The following TP63 variants were observed in gnomAD, a reference collection of about 807,000 sequenced individuals.
TP63 encodes tumor protein 63.
Under a neutral mutation model 82.8 loss-of-function variants are expected in TP63, and 17 were observed. That is an observed-to-expected ratio of 0.21 (90% CI 0.14 to 0.31). TP63 has a LOEUF of 0.31. TP63 is among the 10% of genes least tolerant of loss of function. The probability of loss-of-function intolerance (pLI) is 1.00; values close to 1 mark genes in which losing one functional copy is unlikely to be tolerated. For synonymous variants in TP63, 330 were observed against 321.7 expected (o/e 1.03, Z -0.28); for missense variants, 648 against 895.3 (o/e 0.72, Z 3.52).
chr3:189,706,347 C>T (rs34308347), intron 1 of TP63, among the ~76,000 whole-genome samples: 1 of 152,144 alleles, frequency 6.6e-6, no homozygotes, highest in African/African-American at 2.4e-5. Context: ...ACCTCCGCCT[C>T]CTGGGTTCAA....
intron 10 of TP63, among the ~76,000 whole-genome samples, chr3:189,878,885 C>T (rs1719581770): frequency 7.9e-6 from 1 of 126,286 alleles, no homozygotes; most frequent in Admixed American, 7.8e-5. Flanking sequence ...ACCTTGGCCT[C>T]CCACAGTGCT....
chr3:189,641,634 CATCAT>C (rs1256884752), intron 1 of TP63, among the ~76,000 whole-genome samples: 4 of 152,122 alleles, frequency 2.6e-5, no homozygotes, highest in Non-Finnish European at 5.9e-5. Flanking sequence ...ATCAGTATCT[CATCAT>C]ATCTATGTAA....
chr3:189,885,345 T>C (rs2108851952), intron 10 of TP63, among the ~76,000 whole-genome samples: 1 of 152,362 alleles, frequency 6.6e-6, no homozygotes, highest in South Asian at 2.1e-4. Flanking sequence ...CACTACTCTA[T>C]GAGTGTCTCA....
At chr3:189,790,004 A>T (rs573749684) in intron 3 of TP63, among the ~76,000 whole-genome samples, 13 of 151,900 alleles carry the variant, frequency 8.6e-5, no homozygotes, top group African/African-American at 3.1e-4. Context: ...TGGTGGCTGT[A>T]AGATTTTTTT....
intron 4 of TP63, among the ~76,000 whole-genome samples, chr3:189,839,384 C>T (rs2108735353): frequency 6.6e-6 from 1 of 152,164 alleles, no homozygotes; most frequent in East Asian, 1.9e-4. Context: ...ACTTCCCCGA[C>T]CTTGGAAGAA....
chr3:189,809,987 A>G (rs770995437), intron 4 of TP63, among the ~76,000 whole-genome samples: 2 of 152,156 alleles, frequency 1.3e-5, no homozygotes, highest in Non-Finnish European at 2.9e-5. Context: ...ACCATTTTAT[A>G]TCAGGATCTC....
At chr3:189,879,242 A>G (rs1348388138) in intron 10 of TP63, among the ~76,000 whole-genome samples, 1 of 152,228 alleles carries the variant, frequency 6.6e-6, no homozygotes, top group Non-Finnish European at 1.5e-5. Flanking sequence ...TTTGAAAGGC[A>G]TAGCCAAATG....
In TP63 at chr3:189,771,186, G is replaced by A. The variant is rs115480903; in HGVS notation, c.324+32412G>A. Among the ~76,000 whole-genome samples the A allele has an allele frequency of 9.2e-3, 1,371 of 149,602 alleles. 21 individuals carry two copies. The highest frequency in any genetic ancestry group is 0.032 in the African/African-American group (1,305 of 40,696). On this transcript the variant is annotated intron_variant, in intron 3 of 13. Transcript: ENST00000264731. ...TGTGGCTATTGTTCAGGAGCTCCAA[G>A]TTGAATGAGCTCTCAAAGATAACGT...
At chr3:189,639,784 AATCTTTTTAAACAG>A (rs1191722800) in intron 1 of TP63, among the ~76,000 whole-genome samples, 5 of 152,152 alleles carry the variant, frequency 3.3e-5, no homozygotes, top group Non-Finnish European at 5.9e-5. Flanking sequence ...AAAGGTGTTT[AATCTTTTTAAACAG>A]ATGTTGATTT....
At chr3:189,648,826 A>T (rs1313693129) in intron 1 of TP63, among the ~76,000 whole-genome samples, 1 of 143,124 alleles carries the variant, frequency 7.0e-6, no homozygotes, top group African/African-American at 2.6e-5. Context: ...ACCATTTCAC[A>T]TATAGTATTT....
intron 1 of TP63, among the ~76,000 whole-genome samples, chr3:189,710,788 G>C (rs1319536975): frequency 3.3e-5 from 5 of 152,074 alleles, no homozygotes; most frequent in Admixed American, 3.3e-4. Context: ...TTTCCTGCTG[G>C]CCTTTCACTG....
intron 12 of TP63, among the ~76,000 whole-genome samples, chr3:189,890,477 C>A (rs1434678249): frequency 6.6e-6 from 1 of 152,196 alleles, no homozygotes. Flanking sequence ...GAACACTGGA[C>A]TTCCCTTTCA....
At chr3:189,725,734 A>T (rs1577309068) in intron 1 of TP63, among the ~76,000 whole-genome samples, 1 of 152,192 alleles carries the variant, frequency 6.6e-6, no homozygotes, top group African/African-American at 2.4e-5. Flanking sequence ...TCTTCAGTGC[A>T]ACACATACAT....
At chr3:189,672,327 G>A (rs1055502005) in intron 1 of TP63, among the ~76,000 whole-genome samples, 1 of 152,074 alleles carries the variant, frequency 6.6e-6, no homozygotes, top group East Asian at 1.9e-4. Flanking sequence ...AAGGCTGGGT[G>A]CAGTGGCTGC....
At position 189,737,793 on chromosome 3, in the gene TP63, C is replaced by T; in HGVS notation, c.116C>T (p.Thr39Ile). The change falls in exon 2 of 14, where the codon ACC becomes ATC. Residue 39 changes from threonine to isoleucine, a missense_variant. This residue lies in a region of TP63 where 182 missense variants were observed against 213.6 expected (regional missense o/e 0.85). Transcript: ENST00000264731. ...TGGAAAGAAAGTTATTACCGATCCA[C>T]CATGTCCCAGAGCACACAGACAAAT... Reference protein sequence around the residue: ...FSWKESYYRSTMSQSTQTNEF... With the variant: ...FSWKESYYRSIMSQSTQTNEF... 6.2e-7 allele frequency: 1 copy of T among 1,614,028 alleles called. No individual in the cohort carries two copies. Among genetic ancestry groups the T allele is most frequent in the Non-Finnish European group, 8.5e-7 (1 of 1,179,906 alleles).
At chr3:189,692,682 G>T (rs1045005879) in intron 1 of TP63, among the ~76,000 whole-genome samples, 8 of 152,164 alleles carry the variant, frequency 5.3e-5, no homozygotes, top group Non-Finnish European at 1.0e-4. Context: ...GAGCAATAGG[G>T]GGAAACAGGA....
At chr3:189,695,745 T>C (rs1009433578) in intron 1 of TP63, among the ~76,000 whole-genome samples, 2 of 152,224 alleles carry the variant, frequency 1.3e-5, no homozygotes, top group African/African-American at 4.8e-5. Flanking sequence ...AAAACCTCGC[T>C]CTCATACACG....
At chr3:189,775,471 C>T (rs573888836) in intron 3 of TP63, among the ~76,000 whole-genome samples, 22 of 152,200 alleles carry the variant, frequency 1.4e-4, no homozygotes, top group African/African-American at 5.1e-4. Context: ...CTACCTAGAT[C>T]GTAATATGCC....
At chr3:189,826,425 G>A (rs1027169938) in intron 4 of TP63, among the ~76,000 whole-genome samples, 1 of 152,186 alleles carries the variant, frequency 6.6e-6, no homozygotes, top group East Asian at 1.9e-4. Flanking sequence ...AAGGGATACT[G>A]TGTATATTTT....
Sources: allele counts gnomAD v4.1 joint callset (sites outside exome capture counted in the v4.1 genomes callset), GRCh38; gene constraint gnomAD v4.1.1; regional missense constraint gnomAD v4.1.1; transcripts MANE v1.5; gene names NCBI Gene and HGNC (gene_info 2026-07-23, HGNC 2026-07-21).